MED26: variants seen among roughly 807,000 people sequenced by gnomAD.
The protein encoded by MED26 is mediator of RNA polymerase II transcription subunit 26.
In MED26, 7 loss-of-function variants were observed where a neutral mutation model predicts 43.7. That is an observed-to-expected ratio of 0.16 (90% CI 0.09 to 0.30). The LOEUF is 0.30. Ranked by LOEUF, MED26 falls within the 10% of genes least tolerant of loss-of-function variation. The pLI is 1.00. For missense variants in MED26, 784 were observed against 840.6 expected (o/e 0.93, Z 0.83); for synonymous variants, 375 against 371.1 (o/e 1.01, Z -0.12).
chr19:16,620,206 C>T (rs1162988240), intron 1 of MED26, among the ~76,000 whole-genome samples: 1 of 152,156 alleles, frequency 6.6e-6, no homozygotes, highest in Non-Finnish European at 1.5e-5. Flanking sequence ...CAGCTGGACC[C>T]AGGCAAGAAA....
chr19:16,608,958 T>C (rs570572362), intron 1 of MED26, among the ~76,000 whole-genome samples: 26 of 152,336 alleles, frequency 1.7e-4, no homozygotes, highest in African/African-American at 6.0e-4. Context: ...AATATTCTTA[T>C]AGTACAGGTA....
chr19:16,616,748 G>A (rs1277411323), intron 1 of MED26, among the ~76,000 whole-genome samples: 2 of 152,218 alleles, frequency 1.3e-5, no homozygotes, highest in African/African-American at 4.8e-5. Context: ...GCCGAAGACC[G>A]TGAGCAGTGC....
chr19:16,577,688 A>G lies in MED26; in HGVS notation c.148-6T>C. Reference sequence around the variant, plus strand: ...AGCTTCCCAAGTCGTGTTTCCTACAACCAGAGGGAGATGATGACATACTTT... The same window carrying G: ...AGCTTCCCAAGTCGTGTTTCCTACAGCCAGAGGGAGATGATGACATACTTT... On this transcript the variant is annotated splice_region_variant and splice_polypyrimidine_tract_variant and intron_variant, in intron 2 of 2. Coordinates refer to ENST00000263390, the MANE Select transcript of MED26 (RefSeq NM_004831.5). The surrounding 1 kb of genome is among the most constrained non-coding windows in gnomAD (Gnocchi z 8.1). The G allele has an allele frequency of 6.4e-7, 1 of 1,555,772 alleles. No individual in the cohort carries two copies. The highest frequency in any genetic ancestry group is 8.7e-7 in the Non-Finnish European group (1 of 1,145,920).
intron 1 of MED26, 32 bp downstream of exon 1, chr19:16,627,840 C>A: frequency 1.4e-6 from 2 of 1,456,156 alleles, no homozygotes; most frequent in South Asian, 1.3e-5. Flanking sequence ...GCCCATGCGG[C>A]CTCCGTCCCA....
chr19:16,591,788 C>G (rs1378559762), intron 1 of MED26, among the ~76,000 whole-genome samples: 1 of 152,232 alleles, frequency 6.6e-6, no homozygotes, highest in Non-Finnish European at 1.5e-5. Context: ...CACGGTGCGT[C>G]TGACAGAGTC....
intron 1 of MED26, among the ~76,000 whole-genome samples, chr19:16,620,562 G>T (rs1325419997): frequency 1.3e-5 from 2 of 152,236 alleles, no homozygotes; most frequent in Admixed American, 6.5e-5. Context: ...AGCAACACCT[G>T]CTCTCCTACT....
At chr19:16,607,730 A>AT (rs150204784) in intron 1 of MED26, among the ~76,000 whole-genome samples, 7,971 of 151,810 alleles carry the variant, frequency 0.053, 286 homozygotes, top group South Asian at 0.064. Context: ...ACATTATGAG[A>AT]TTTTTTTTTA....
chr19:16,612,984 T>C (rs938027542), intron 1 of MED26, among the ~76,000 whole-genome samples: 2 of 152,164 alleles, frequency 1.3e-5, no homozygotes, highest in African/African-American at 4.8e-5. Flanking sequence ...AGGGGTGTAA[T>C]ACCCCCTAGC....
chr19:16,594,427 CAAGTGGGGAAGGGGCA>C, intron 1 of MED26, among the ~76,000 whole-genome samples: 1 of 152,340 alleles, frequency 6.6e-6, no homozygotes, highest in South Asian at 2.1e-4. Context: ...GCGCATCTCA[CAAGTGGGGAAGGGGCA>C]GCGAAACCAA....
chr19:16,576,838 A>G lies in MED26; in HGVS notation c.992T>C (p.Leu331Pro). Reference protein sequence around the residue: ...PSTPPVRRLELLPSAESPVCW... With the variant: ...PSTPPVRRLEPLPSAESPVCW... ...CACTGGGCTTTCCGCACTGGGCAGC[A>G]GCTCGAGCCGCCGTACGGGGGGTGT... is the stretch of plus-strand genomic sequence containing the variant. Residue 331 changes from leucine to proline, a missense_variant, in exon 3 of 3, where the codon CTG becomes CCG. Leu to Pro is a moderately conservative substitution (Grantham distance 98). Around this residue, in one of 3 missense-constraint regions of MED26, gnomAD observed 719 missense variants for 730.9 expected, o/e 0.98. Transcript: ENST00000263390. This position sits in a 1 kb window ranked among gnomAD's most constrained non-coding sequence, Gnocchi z 6.8. 1 of 1,610,104 alleles carries G rather than the reference A, an allele frequency of 6.2e-7. No homozygotes were observed. The highest frequency in any genetic ancestry group is 8.5e-7 in the Non-Finnish European group (1 of 1,178,820).
At position 16,576,609 on chromosome 19, in the gene MED26, G is replaced by A. The variant is rs763304675; in HGVS notation, c.1221C>T (p.Asp407=). ...YRPRDYTVNL[D]GQVAEAGVKP... is the part of the protein sequence containing the mutation. Reference sequence around the variant, plus strand: ...TGACGCCCGCCTCAGCCACCTGCCCGTCCAAGTTAACCGTATAGTCTCGAG... The same window carrying A: ...TGACGCCCGCCTCAGCCACCTGCCCATCCAAGTTAACCGTATAGTCTCGAG... Residue 407 remains aspartate (D), a synonymous_variant, in exon 3 of 3, where the codon GAC becomes GAT. Coordinates refer to ENST00000263390, the MANE Select transcript of MED26 (RefSeq NM_004831.5). This position sits in a 1 kb window ranked among gnomAD's most constrained non-coding sequence, Gnocchi z 6.8. 2.0e-5 allele frequency: 33 copies of A among 1,614,068 alleles called. No individual in the cohort carries two copies. In the Admixed American group the frequency reaches 3.5e-4, roughly 17 times the overall value.
chr19:16,620,692 G>C (rs189652480), intron 1 of MED26, among the ~76,000 whole-genome samples: 1 of 152,324 alleles, frequency 6.6e-6, no homozygotes, highest in East Asian at 1.9e-4. Context: ...GCCAGGTAAG[G>C]TTTCAGAAAA....
intron 1 of MED26, chr19:16,611,527 T>C (rs2086199394): frequency 6.6e-6 from 1 of 152,132 alleles, no homozygotes; most frequent in South Asian, 2.1e-4. Context: ...TACTTTTATT[T>C]TCATTTTTTT....
intron 1 of MED26, among the ~76,000 whole-genome samples, chr19:16,625,506 G>A (rs1244384148): frequency 6.6e-6 from 1 of 150,686 alleles, no homozygotes; most frequent in African/African-American, 2.4e-5. Flanking sequence ...CTCAGAAGAG[G>A]TTTAATTTTA....
At chr19:16,594,668 C>G (rs1373524080) in intron 1 of MED26, among the ~76,000 whole-genome samples, 1 of 152,076 alleles carries the variant, frequency 6.6e-6, no homozygotes, top group East Asian at 1.9e-4. Context: ...AAAACCAGAA[C>G]TTTCTTCATT....
At position 16,576,220 on chromosome 19, in the gene MED26, G is replaced by A; in HGVS notation, c.1610C>T (p.Pro537Leu). The A allele has an allele frequency of 1.9e-6, 3 of 1,611,616 alleles. No homozygotes were observed. The highest frequency in any genetic ancestry group is 2.5e-6 in the Non-Finnish European group (3 of 1,179,996). ...QLHVLVPQSP[P>L]TDLPGLTREV... The stretch of plus-strand genomic sequence containing the variant: ...CCGGGTCAGACCAGGGAGGTCCGTG[G>A]GCGGGCTTTGAGGCACCAGCACATG... The change falls in exon 3 of 3, where the codon CCC becomes CTC. Residue 537 changes from proline to leucine, a missense_variant. Physicochemically the swap from Pro to Leu is moderately conservative, Grantham distance 98. Transcript: ENST00000263390. The surrounding 1 kb of genome is among the most constrained non-coding windows in gnomAD (Gnocchi z 6.8).
At chr19:16,596,178 G>A (rs2086119336) in intron 1 of MED26, among the ~76,000 whole-genome samples, 1 of 152,096 alleles carries the variant, frequency 6.6e-6, no homozygotes, top group African/African-American at 2.4e-5. Flanking sequence ...GCCCAGCCAT[G>A]CTTCAACTGT....
chr19:16,626,503 A>G (rs1170138262), intron 1 of MED26, among the ~76,000 whole-genome samples: 1 of 152,188 alleles, frequency 6.6e-6, no homozygotes, highest in Non-Finnish European at 1.5e-5. Context: ...TGTTAATGGG[A>G]CCTGAATACC....
Position 16,584,140 on chromosome 19 carries a change from C to G in MED26, c.73-5731G>C, listed in dbSNP as rs536628907. On this transcript the variant is annotated intron_variant, in intron 1 of 2. Transcript: ENST00000263390. ...CGGTGGTGTGCACCTGTAATCCCAGCTACTCGGGAGGCTGAGGCAGGAGAA... is the reference window on the plus strand; with the variant it reads ...CGGTGGTGTGCACCTGTAATCCCAGGTACTCGGGAGGCTGAGGCAGGAGAA... Among the ~76,000 whole-genome samples, 56 of 152,164 alleles carry G rather than the reference C, an allele frequency of 3.7e-4. No individual in the cohort carries two copies. In the East Asian group the frequency reaches 0.011, roughly 29 times the overall value.
Sources: gnomAD v4.1 joint callset for allele counts (sites outside exome capture counted in the v4.1 genomes callset) on GRCh38, gnomAD v4.1.1 for gene constraint, gnomAD v4.1.1 regional missense constraint, Gnocchi (gnomAD v3.1) non-coding constraint, MANE v1.5 for transcripts, NCBI Gene and HGNC (gene_info 2026-07-23, HGNC 2026-07-21) for gene names.